Variants in WDR72 observed in about 807,000 individuals in gnomAD.
WDR72 encodes the protein WD repeat domain 72, also known as WD repeat-containing protein 72.
In WDR72, 120 loss-of-function variants were observed where a neutral mutation model predicts 124.2. The ratio of observed to expected loss-of-function variants is 0.97; its 90% CI spans 0.83 to 1.12. The LOEUF is 1.12. Among genes scored for constraint, WDR72 ranks in the 50% most tolerant of loss-of-function variants. The pLI, the probability that WDR72 is intolerant of heterozygous loss-of-function variation, is 0.00. For missense variants in WDR72, 1,387 were observed against 1,278.8 expected (o/e 1.08, Z -1.29); for synonymous variants, 452 against 441.7 (o/e 1.02, Z -0.29).
At chr15:53,557,243 CT>C (rs1173852894) in intron 18 of WDR72, among the ~76,000 whole-genome samples, 1 of 152,072 alleles carries the variant, frequency 6.6e-6, no homozygotes, top group Non-Finnish European at 1.5e-5. Context: ...TTAGGAAGTT[CT>C]TGCCTGTTTT....
rs528464954 is a variant in WDR72, at chr15:53,665,150, T to C, written c.1962+422A>G. 2.0e-5 allele frequency among the ~76,000 whole-genome samples: 3 copies of C among 152,170 alleles called. No individual in the cohort carries two copies. The South Asian group carries it at 6.2e-4, about 32-fold the overall frequency. ...CCTAGAGAGTTAGTGATCCTACAGA[T>C]ATTGGTTATATCAAAAGAATTATCC... On this transcript the variant is annotated intron_variant, in intron 14 of 19. Coordinates refer to ENST00000360509, the MANE Select transcript of WDR72 (RefSeq NM_182758.4).
chr15:53,646,910 T>C lies in WDR72; in HGVS notation c.1962+18662A>G, dbSNP rs80225330. Among the ~76,000 whole-genome samples, 8 of 152,226 alleles carry C rather than the reference T, an allele frequency of 5.3e-5. No homozygotes were observed. The East Asian group carries it at 1.5e-3, about 29-fold the overall frequency. On this transcript the variant is annotated intron_variant, in intron 14 of 19. Coordinates refer to ENST00000360509, the MANE Select transcript of WDR72 (RefSeq NM_182758.4). ...GGGAATAATTAAGGGTCTTTGTTGA[T>C]AAATTACTGAAGTCAAAATATTCCC...
intron 14 of WDR72, among the ~76,000 whole-genome samples, chr15:53,654,449 G>T (rs1318711864): frequency 2.6e-5 from 4 of 152,186 alleles, no homozygotes; most frequent in African/African-American, 9.6e-5. Context: ...CAAAACTGAA[G>T]TCTGATAAAA....
intron 1 of WDR72, among the ~76,000 whole-genome samples, chr15:53,738,411 G>T (rs2140629008): frequency 6.6e-6 from 1 of 152,082 alleles, no homozygotes; most frequent in East Asian, 1.9e-4. Context: ...ATAACATGAG[G>T]AAATCTATGG....
Position 53,705,084 on chromosome 15 carries a change from T to C in WDR72, c.1252A>G (p.Lys418Glu). ...TSSEYIPSLD[K>E]LICGCEDGTI... ...CCATCTTCACAGCCACATATTAGTT[T>C]ATCAAGACTTGGAATATACTCTGAT... The change falls in exon 11 of 20, where the codon AAA becomes GAA. Residue 418 changes from lysine (K) to glutamate (E), a missense_variant. Coordinates refer to ENST00000360509, the MANE Select transcript of WDR72 (RefSeq NM_182758.4). The C allele has an allele frequency of 6.2e-7, 1 of 1,614,138 alleles. No homozygotes were observed. Among genetic ancestry groups the C allele is most frequent in the Non-Finnish European group, 8.5e-7 (1 of 1,180,016 alleles).
At position 53,714,181 on chromosome 15, in the gene WDR72, C is replaced by CTGTGTG. The variant is rs147902451; in HGVS notation, c.591+247_591+252dup. On this transcript the variant is annotated intron_variant, in intron 6 of 19. Coordinates refer to ENST00000360509, the MANE Select transcript of WDR72 (RefSeq NM_182758.4). ...TTAAAAGATTAAAAATGTAATCTTTCTGTGTGTGTGTGTGTGTGTGTGTAA... is the reference window on the plus strand; with the variant it reads ...TTAAAAGATTAAAAATGTAATCTTTCTGTGTGTGTGTGTGTGTGTGTGTGTGTGTAA... 0.2 allele frequency among the ~76,000 whole-genome samples: 30,794 copies of CTGTGTG among 150,292 alleles called. 3,260 individuals carry two copies. Among genetic ancestry groups the CTGTGTG allele is most frequent in the East Asian group, 0.25 (1,249 of 5,070 alleles).
At chr15:53,669,443 C>G (rs965114937) in intron 13 of WDR72, among the ~76,000 whole-genome samples, 7 of 152,274 alleles carry the variant, frequency 4.6e-5, no homozygotes, top group Admixed American at 1.3e-4. Context: ...GGCTAGGAGT[C>G]ATCCTTCACA....
chr15:53,712,810 C>T lies in WDR72; in HGVS notation c.673G>A (p.Glu225Lys), dbSNP rs1210850711. 2.5e-6 allele frequency: 4 copies of T among 1,613,384 alleles called. No homozygotes were observed. The highest frequency in any genetic ancestry group is 1.1e-5 in the South Asian group (1 of 91,034). ...GAAAATACCACCAATAGAAGTCTCTCAGTATATGTGCAAAATCGAATTGTC... is the reference window on the plus strand; with the variant it reads ...GAAAATACCACCAATAGAAGTCTCTTAGTATATGTGCAAAATCGAATTGTC... ...CQTIRFCTYT[E>K]RLLLVVFSKC... The change falls in exon 7 of 20, where the codon GAG becomes AAG. Residue 225 changes from glutamate to lysine, a missense_variant. By Grantham distance (56) the Glu-to-Lys change is moderately conservative. Coordinates refer to ENST00000360509, the MANE Select transcript of WDR72 (RefSeq NM_182758.4).
intron 9 of WDR72, among the ~76,000 whole-genome samples, chr15:53,707,421 A>G (rs1367223545): frequency 6.7e-6 from 1 of 148,840 alleles, no homozygotes; most frequent in Non-Finnish European, 1.5e-5. Context: ...GCATCACAGA[A>G]AATGGTTCCA....
At position 53,516,504 on chromosome 15, in the gene WDR72, A is replaced by G. The variant is rs1891467306; in HGVS notation, c.*1195T>C. 1 of 151,658 alleles carries G rather than the reference A, an allele frequency of 6.6e-6. No individual in the cohort carries two copies. Among genetic ancestry groups the G allele is most frequent in the South Asian group, 2.1e-4 (1 of 4,814 alleles). The allele number at this position is 151,658 out of a possible 1,614,324, so 9.4% of individuals were successfully genotyped here. A position where few individuals can be genotyped will look rare whatever the true frequency, so the allele number is the denominator to read the frequency against. On this transcript the variant is annotated 3_prime_UTR_variant, in exon 20 of 20. Coordinates refer to ENST00000360509, the MANE Select transcript of WDR72 (RefSeq NM_182758.4). ...ACATACATAGATATAGCTATATATC[A>G]TATATTTAATGCTTTATATCCCTTT...
chr15:53,737,258 C>G (rs1030635807), intron 1 of WDR72, among the ~76,000 whole-genome samples: 2 of 152,080 alleles, frequency 1.3e-5, no homozygotes, highest in Admixed American at 6.5e-5. Flanking sequence ...GAGGATATAT[C>G]AAAGGAACAC....
At chr15:53,747,274 T>C (rs899567925) in intron 1 of WDR72, among the ~76,000 whole-genome samples, 21 of 152,102 alleles carry the variant, frequency 1.4e-4, no homozygotes, top group African/African-American at 4.8e-4. Context: ...TTTTATGAGG[T>C]CAAAGAGTGT....
Position 53,615,328 on chromosome 15 carries a change from A to C in WDR72, c.2780+98T>G, listed in dbSNP as rs914790705. ...TGTTGCATACTTACCCCCCACTGGAAAGAAGGAAGGAATGTTAAAGAGCTA... is the reference window on the plus strand; with the variant it reads ...TGTTGCATACTTACCCCCCACTGGACAGAAGGAAGGAATGTTAAAGAGCTA... On this transcript the variant is annotated intron_variant, in intron 15 of 19. Coordinates refer to ENST00000360509, the MANE Select transcript of WDR72 (RefSeq NM_182758.4). 6.1e-6 allele frequency: 6 copies of C among 980,354 alleles called. No individual in the cohort carries two copies. The African/African-American group carries it at 1.0e-4, about 16-fold the overall frequency. 60.7% of individuals were successfully genotyped at this position (980,354 alleles called of 1,614,324 possible).
At chr15:53,611,985 C>T (rs745792791) in intron 16 of WDR72, among the ~76,000 whole-genome samples, 2 of 152,062 alleles carry the variant, frequency 1.3e-5, no homozygotes, top group African/African-American at 2.4e-5. Context: ...GCTTTGGAGG[C>T]AACATGTGCA....
At chr15:53,761,229 T>C (rs139744634), upstream of WDR72, among the ~76,000 whole-genome samples, 8 of 152,286 alleles carry the variant, frequency 5.3e-5, no homozygotes, top group East Asian at 1.2e-3. Flanking sequence ...CTCAACATCA[T>C]TGATCATCAG....
intron 1 of WDR72, among the ~76,000 whole-genome samples, chr15:53,754,878 C>T (rs914853102): frequency 6.6e-6 from 1 of 152,130 alleles, no homozygotes; most frequent in African/African-American, 2.4e-5. Flanking sequence ...TATGATTTTT[C>T]TCTGGATTTC....
chr15:53,586,948 G>A (rs147530516), intron 18 of WDR72, among the ~76,000 whole-genome samples: 4 of 152,056 alleles, frequency 2.6e-5, no homozygotes, highest in African/African-American at 9.6e-5. Flanking sequence ...CCTTAAGAAT[G>A]TCTAGAATCC....
intron 9 of WDR72, among the ~76,000 whole-genome samples, chr15:53,707,547 CA>C (rs1406503974): frequency 6.6e-6 from 1 of 151,964 alleles, no homozygotes; most frequent in African/African-American, 2.4e-5. Flanking sequence ...CCAGGGTTCA[CA>C]CCATTCTCCT....
At chr15:53,587,536 T>G (rs778525249) in intron 18 of WDR72, among the ~76,000 whole-genome samples, 6 of 152,070 alleles carry the variant, frequency 3.9e-5, no homozygotes, top group Non-Finnish European at 7.4e-5. Context: ...CATTTATTTT[T>G]CCTTTAAATG....
Sources: allele counts gnomAD v4.1 joint callset (sites outside exome capture counted in the v4.1 genomes callset), GRCh38; gene constraint gnomAD v4.1.1; transcripts MANE v1.5; gene names NCBI Gene and HGNC (gene_info 2026-07-23, HGNC 2026-07-21).